The following SCIMP variants were observed in gnomAD, a reference collection of about 807,000 sequenced individuals.
SCIMP encodes the protein SLP adaptor and CSK interacting membrane protein, also known as SLP adapter and CSK-interacting membrane protein.
SCIMP carries 18 observed loss-of-function variants against 22.0 expected under a neutral mutation model. The observed-to-expected ratio is 0.82, with a 90% confidence interval of 0.56 to 1.21. The LOEUF (loss-of-function observed/expected upper bound fraction) is 1.21, where lower values mean the gene tolerates loss of function less well. SCIMP is among the 50% of genes most tolerant of loss of function. The probability of loss-of-function intolerance (pLI) is 0.00; values close to 1 mark genes in which losing one functional copy is unlikely to be tolerated. For missense variants in SCIMP, 155 were observed against 171.2 expected, an observed-to-expected ratio of 0.91 and a Z score of 0.53; for synonymous variants, 53 against 62.2, an observed-to-expected ratio of 0.85 and a Z score of 0.70.
intron 3 of SCIMP, chr17:5,221,072 G>T: frequency 3.9e-6 from 2 of 511,018 alleles, no homozygotes; most frequent in East Asian, 4.3e-5. Context: ...AAAAAAAAAA[G>T]AGAGAGAGAG....
chr17:5,228,062 C>T (rs1264013519), intron 1 of SCIMP, among the ~76,000 whole-genome samples: 2 of 152,092 alleles, frequency 1.3e-5, no homozygotes, highest in South Asian at 2.1e-4. Flanking sequence ...ATCTCAGCTA[C>T]TTGGGAGGCT....
intron 1 of SCIMP, among the ~76,000 whole-genome samples, chr17:5,232,001 A>G (rs1026293640): frequency 6.6e-6 from 1 of 151,994 alleles, no homozygotes; most frequent in Non-Finnish European, 1.5e-5. Flanking sequence ...GCTTGCAGTG[A>G]GCCGAGATTG....
intron 2 of SCIMP, 130 bp from the exon 3 acceptor site, chr17:5,221,480 C>A: frequency 2.8e-6 from 2 of 714,754 alleles, no homozygotes; most frequent in South Asian, 3.2e-5. Flanking sequence ...CCCAGACAGT[C>A]TAACCACAGA....
chr17:5,225,940 T>C (rs1207601043), intron 1 of SCIMP, among the ~76,000 whole-genome samples: 1 of 151,984 alleles, frequency 6.6e-6, no homozygotes, highest in Non-Finnish European at 1.5e-5. Flanking sequence ...AGTGCTGGCA[T>C]TGAATTGGAG....
chr17:5,217,478 T>C (rs897042155), intron 3 of SCIMP, among the ~76,000 whole-genome samples: 4 of 151,122 alleles, frequency 2.6e-5, no homozygotes, highest in Non-Finnish European at 5.9e-5. Flanking sequence ...TTGTTACATG[T>C]GTATACGTGT....
At chr17:5,233,454 C>A (rs1268504613) in intron 1 of SCIMP, among the ~76,000 whole-genome samples, 1 of 152,144 alleles carries the variant, frequency 6.6e-6, no homozygotes, top group Non-Finnish European at 1.5e-5. Context: ...CTCACTGCAA[C>A]CTCCACCTCC....
Position 5,231,863 on chromosome 17 carries a change from G to A in SCIMP, c.21+2872C>T, listed in dbSNP as rs1217474077. On this transcript the variant is annotated intron_variant, in intron 1 of 4. Coordinates refer to ENST00000574081, the MANE Select transcript of SCIMP (RefSeq NM_207103.3). ...AGGTCAGGAGATCAAGACCATCCTG[G>A]CTAACACAATGAAACCCTGTCTCTA... Among the ~76,000 whole-genome samples the A allele has an allele frequency of 6.6e-5, 10 of 152,260 alleles. No individual in the cohort carries two copies. The East Asian group carries it at 1.9e-3, about 29-fold the overall frequency.
chr17:5,223,750 A>G, intron 1 of SCIMP: 1 of 354,708 alleles, frequency 2.8e-6, no homozygotes, highest in Non-Finnish European at 5.4e-6. Context: ...GGGTTTCGCC[A>G]CGTTGGCCAG....
chr17:5,232,549 C>T (rs117848334), intron 1 of SCIMP, among the ~76,000 whole-genome samples: 3,623 of 151,854 alleles, frequency 0.024, 56 homozygotes, highest in Admixed American at 0.039. Flanking sequence ...TTCGGCAGGC[C>T]TGGAATGAGG....
At position 5,210,495 on chromosome 17, in the gene SCIMP, T is replaced by G; in HGVS notation, c.*306A>C. On this transcript the variant is annotated 3_prime_UTR_variant, in exon 5 of 5. Transcript: ENST00000574081. ...GGGGGAAAGAATGCCAAGAAATGAG[T>G]AGTTTCCCACAGGTGGGAGCCATGG... 3.9e-6 allele frequency: 1 copy of G among 259,328 alleles called. No individual in the cohort carries two copies. Among genetic ancestry groups the G allele is most frequent in the Non-Finnish European group, 7.3e-6 (1 of 137,306 alleles). 16.1% of individuals were successfully genotyped at this position (259,328 alleles called of 1,614,324 possible).
In SCIMP at chr17:5,234,740, C is replaced by T; in HGVS notation, c.16G>A (p.Val6Ile). MDTFT[V>I]QDSTAMSWWR... is the part of the protein sequence containing the mutation. The stretch of plus-strand genomic sequence containing the variant: ...TGGAAAGCTGAGATGCTTACCTGAA[C>T]TGTGAAAGTATCCATATGTGAGCAG... The change falls in exon 1 of 5, where the codon GTT (valine) becomes ATT (isoleucine). Residue 6 changes from valine (V) to isoleucine (I), a missense_variant. Val to Ile is a conservative substitution (Grantham distance 29). Transcript: ENST00000574081. 6 of 1,612,112 alleles carry T rather than the reference C, an allele frequency of 3.7e-6. No homozygotes were observed. The highest frequency in any genetic ancestry group is 5.1e-6 in the Non-Finnish European group (6 of 1,179,312).
chr17:5,221,630 C>T (rs1333958945), intron 2 of SCIMP, among the ~76,000 whole-genome samples: 6 of 152,116 alleles, frequency 3.9e-5, no homozygotes, highest in Non-Finnish European at 5.9e-5. Flanking sequence ...GATAAAGAAT[C>T]GGAAAAGCAG....
At chr17:5,229,272 C>T (rs1378259490) in intron 1 of SCIMP, among the ~76,000 whole-genome samples, 1 of 151,856 alleles carries the variant, frequency 6.6e-6, no homozygotes, top group South Asian at 2.1e-4. Context: ...CAACTGAAGG[C>T]AGTCAACACA....
In SCIMP at chr17:5,210,886, GTCT is replaced by G. The variant is rs750084422; in HGVS notation, c.350_352del (p.Lys117del). On this transcript the variant is annotated inframe_deletion, in exon 5 of 5. Coordinates refer to ENST00000574081, the MANE Select transcript of SCIMP (RefSeq NM_207103.3). ...CTCAATGTAGCTTGGGATGGAAACAGTCTTCTTATTTTTAACTTTATTTACCAG... is the reference window on the plus strand; with the variant it reads ...CTCAATGTAGCTTGGGATGGAAACAGTCTTATTTTTAACTTTATTTACCAG... 2 of 1,614,140 alleles carry G rather than the reference GTCT, an allele frequency of 1.2e-6. No individual in the cohort carries two copies. Among genetic ancestry groups the G allele is most frequent in the South Asian group, 2.2e-5 (2 of 91,048 alleles).
intron 2 of SCIMP, among the ~76,000 whole-genome samples, chr17:5,222,307 G>A (rs2074614641): frequency 6.6e-6 from 1 of 151,774 alleles, no homozygotes; most frequent in South Asian, 2.1e-4. Flanking sequence ...TAGCCAGGAT[G>A]GTCTTGATCT....
chr17:5,212,344 C>G (rs962228506), intron 4 of SCIMP, among the ~76,000 whole-genome samples: 1 of 151,928 alleles, frequency 6.6e-6, no homozygotes, highest in Non-Finnish European at 1.5e-5. Context: ...TAAAAATGTA[C>G]CTGGCTTGGG....
At chr17:5,233,181 T>C (rs7210695) in intron 1 of SCIMP, among the ~76,000 whole-genome samples, 109,053 of 151,946 alleles carry the variant, frequency 0.72, 41,892 homozygotes, top group Non-Finnish European at 0.87. Flanking sequence ...CCGGAAACCT[T>C]GCCTCATTCC....
chr17:5,229,580 G>C (rs2074677866), intron 1 of SCIMP, among the ~76,000 whole-genome samples: 2 of 151,764 alleles, frequency 1.3e-5, no homozygotes, highest in South Asian at 4.2e-4. Flanking sequence ...TTTTAGTAGA[G>C]ATGGCGTTTC....
chr17:5,219,218 C>T (rs1414240430), intron 3 of SCIMP, among the ~76,000 whole-genome samples: 1 of 152,128 alleles, frequency 6.6e-6, no homozygotes, highest in South Asian at 2.1e-4. Flanking sequence ...ATTCAGGAGA[C>T]TGAGGCAGGA....
Sources: allele counts gnomAD v4.1 joint callset (sites outside exome capture counted in the v4.1 genomes callset), GRCh38; gene constraint gnomAD v4.1.1; transcripts MANE v1.5; gene names NCBI Gene and HGNC (gene_info 2026-07-23, HGNC 2026-07-21).